The following VPS13D variants were observed in gnomAD, a reference collection of about 807,000 sequenced individuals.
VPS13D encodes the protein vacuolar protein sorting 13 homolog D, also known as intermembrane lipid transfer protein VPS13D.
In VPS13D, 187 loss-of-function variants were observed where a neutral mutation model predicts 461.9. The ratio of observed to expected loss-of-function variants is 0.40; its 90% confidence interval spans 0.36 to 0.46. VPS13D has a LOEUF of 0.46. VPS13D is among the 20% of genes least tolerant of loss of function. VPS13D has a pLI of 0.60. For missense variants in VPS13D, 4,711 were observed against 5,364.9 expected (o/e 0.88, Z 3.81); for synonymous variants, 1,951 against 1,986.3 (o/e 0.98, Z 0.47).
intron 49 of VPS13D, among the ~76,000 whole-genome samples, 161 bp downstream of exon 49, chr1:12,356,685 A>G (rs1643888613): frequency 1.3e-5 from 2 of 152,218 alleles, no homozygotes; most frequent in Admixed American, 1.3e-4. Flanking sequence ...TTGGGGATCT[A>G]ATTTCTATGT....
At chr1:12,389,397 A>G (rs1644393763) in intron 60 of VPS13D, among the ~76,000 whole-genome samples, 1 of 152,212 alleles carries the variant, frequency 6.6e-6, no homozygotes, top group East Asian at 1.9e-4. Context: ...TAAGGTCATA[A>G]TTACACCTAA....
intron 32 of VPS13D, among the ~76,000 whole-genome samples, chr1:12,320,419 C>T (rs943241516): frequency 1.3e-5 from 2 of 152,170 alleles, no homozygotes; most frequent in Admixed American, 6.5e-5. Context: ...TTTTGCTTTA[C>T]GATCGGCCTT....
intron 60 of VPS13D, among the ~76,000 whole-genome samples, chr1:12,399,386 G>A (rs1020166090): frequency 4.0e-5 from 6 of 151,546 alleles, no homozygotes; most frequent in Non-Finnish European, 8.8e-5. Context: ...TAGTAGAGAC[G>A]GGGTTTCATC....
At chr1:12,244,899 T>C (rs770567511) in intron 5 of VPS13D, among the ~76,000 whole-genome samples, 1 of 152,214 alleles carries the variant, frequency 6.6e-6, no homozygotes, top group Non-Finnish European at 1.5e-5. Flanking sequence ...TTTTTGAATG[T>C]TGGAATCCCA....
At chr1:12,274,956 C>G (rs1167537504) in intron 18 of VPS13D, among the ~76,000 whole-genome samples, 1 of 151,100 alleles carries the variant, frequency 6.6e-6, no homozygotes, top group South Asian at 2.1e-4. Flanking sequence ...CGGTGGCTCA[C>G]GCCTGTAATC....
chr1:12,296,267 A>G (rs550796577), intron 24 of VPS13D, among the ~76,000 whole-genome samples: 16 of 152,212 alleles, frequency 1.1e-4, no homozygotes, highest in African/African-American at 2.2e-4. Flanking sequence ...AGCTGTCTCA[A>G]TGATAGTCTC....
intron 21 of VPS13D, among the ~76,000 whole-genome samples, chr1:12,286,684 G>T (rs1641984182): frequency 6.6e-6 from 1 of 152,178 alleles, no homozygotes; most frequent in Non-Finnish European, 1.5e-5. Flanking sequence ...AGTGCTTCCT[G>T]TTGCATTGAG....
intron 60 of VPS13D, among the ~76,000 whole-genome samples, chr1:12,397,934 A>G (rs769018389): frequency 6.6e-6 from 1 of 152,198 alleles, no homozygotes; most frequent in Non-Finnish European, 1.5e-5. Flanking sequence ...TGAGGATGGT[A>G]GGGAACCTGA....
intron 12 of VPS13D, 59 bp from the exon 13 acceptor site, chr1:12,261,842 C>T: frequency 7.0e-7 from 1 of 1,427,222 alleles, no homozygotes; most frequent in South Asian, 1.4e-5. Flanking sequence ...AGTCTGCTTG[C>T]TGGTGCTTTT....
chr1:12,232,637 C>CTTTTTTTTTTTTT (rs772757546), intron 1 of VPS13D, among the ~76,000 whole-genome samples: 1 of 71,020 alleles, frequency 1.4e-5, no homozygotes, highest in African/African-American at 5.5e-5. Context: ...TAAAATTAGT[C>CTTTTTTTTTTTTT]TTTTTTTTTT....
chr1:12,389,599 AAAG>A (rs1232518836), intron 60 of VPS13D, among the ~76,000 whole-genome samples: 9 of 146,676 alleles, frequency 6.1e-5, no homozygotes, highest in Non-Finnish European at 1.2e-4. Context: ...GTTTTTAACA[AAAG>A]AAAGAGGAAA....
rs1385615190 is a variant in VPS13D, at chr1:12,299,134, C to T, written c.6034-68C>T. 2 of 1,454,892 alleles carry T rather than the reference C, an allele frequency of 1.4e-6. No individual in the cohort carries two copies. The highest frequency in any genetic ancestry group is 1.8e-6 in the Non-Finnish European group (2 of 1,091,056). 90.1% of individuals were successfully genotyped at this position (1,454,892 alleles called of 1,614,324 possible). On this transcript the variant is annotated intron_variant, in intron 24 of 69. Coordinates refer to ENST00000620676, the MANE Select transcript of VPS13D (RefSeq NM_015378.4). The surrounding 1 kb of genome is among the most constrained non-coding windows in gnomAD (Gnocchi z 4.2). Reference sequence around the variant, plus strand: ...ATAAACTCACGAAACTTTTGGGAACCTGAGGTTATTTGGTGGTAAAATTAG... The same window carrying T: ...ATAAACTCACGAAACTTTTGGGAACTTGAGGTTATTTGGTGGTAAAATTAG...
intron 67 of VPS13D, among the ~76,000 whole-genome samples, chr1:12,474,690 TTATAAATGTTCCCTTTGTAA>T (rs1253708004): frequency 6.6e-6 from 1 of 152,230 alleles, no homozygotes; most frequent in Non-Finnish European, 1.5e-5. Context: ...ATTTTCTAGA[TTATAAATGTTCCCTTTGTAA>T]TTCATTTCAA....
At chr1:12,282,661 C>T (rs372461038) in intron 20 of VPS13D, 44 bp from the exon 21 acceptor site, 647 of 1,534,426 alleles carry the variant, frequency 4.2e-4, no homozygotes, top group Non-Finnish European at 5.2e-4. Flanking sequence ...CATCTACGTG[C>T]ATTTAATAAT....
intron 13 of VPS13D, 123 bp from the exon 14 acceptor site, chr1:12,266,758 T>C: frequency 1.0e-6 from 1 of 973,170 alleles, no homozygotes; most frequent in Non-Finnish European, 1.4e-6. Context: ...TGTTTGTTTG[T>C]TTAATTTCAA....
intron 9 of VPS13D, among the ~76,000 whole-genome samples, chr1:12,257,525 T>A (rs540675107): frequency 1.1e-4 from 16 of 152,364 alleles, no homozygotes; most frequent in Admixed American, 9.2e-4. Flanking sequence ...TTGACCAGTC[T>A]GATATAATAA....
At chr1:12,290,927 G>A (rs1051441027) in intron 22 of VPS13D, 71 bp from the exon 23 acceptor site, 5 of 1,455,646 alleles carry the variant, frequency 3.4e-6, no homozygotes, top group Non-Finnish European at 4.6e-6. Context: ...ACCAGCTTTT[G>A]TTCCAGACAT....
intron 60 of VPS13D, among the ~76,000 whole-genome samples, chr1:12,387,711 A>G (rs963438280): frequency 6.6e-6 from 1 of 152,270 alleles, no homozygotes; most frequent in Non-Finnish European, 1.5e-5. Flanking sequence ...AGAGATTAAA[A>G]TGTAATGAAA....
intron 55 of VPS13D, among the ~76,000 whole-genome samples, chr1:12,374,346 G>A (rs1644168198): frequency 6.6e-6 from 1 of 152,174 alleles, no homozygotes; most frequent in South Asian, 2.1e-4. Context: ...TGGAAACCAA[G>A]TGTAGAAAGT....
Sources: allele counts gnomAD v4.1 joint callset (sites outside exome capture counted in the v4.1 genomes callset), GRCh38; gene constraint gnomAD v4.1.1; non-coding constraint Gnocchi (gnomAD v3.1); transcripts MANE v1.5; gene names NCBI Gene and HGNC (gene_info 2026-07-23, HGNC 2026-07-21).